Variants in MTHFD1L observed in about 807,000 individuals in gnomAD.
MTHFD1L encodes the protein methylenetetrahydrofolate dehydrogenase (NADP+ dependent) 1 like, also known as monofunctional C1-tetrahydrofolate synthase, mitochondrial.
In MTHFD1L, 81 loss-of-function variants were observed where a neutral mutation model predicts 119.5. The observed-to-expected ratio is 0.68, with a 90% CI of 0.57 to 0.82. The LOEUF is 0.82. Ranked by LOEUF, MTHFD1L falls within the 40% of genes least tolerant of loss-of-function variation. The pLI is 0.00. For missense variants in MTHFD1L, 1,125 were observed against 1,253.4 expected (o/e 0.90, Z 1.55); for synonymous variants, 430 against 475.2 (o/e 0.90, Z 1.24).
intron 20 of MTHFD1L, among the ~76,000 whole-genome samples, chr6:150,982,712 T>C (rs1280056646): frequency 6.6e-6 from 1 of 152,054 alleles, no homozygotes; most frequent in East Asian, 1.9e-4. Flanking sequence ...TTTTTTTTTT[T>C]TTCTTGAGAC....
intron 21 of MTHFD1L, among the ~76,000 whole-genome samples, chr6:151,012,018 A>AC (rs1171005011): frequency 1.1e-5 from 1 of 90,140 alleles, no homozygotes; most frequent in Admixed American, 1.1e-4. Flanking sequence ...AACAACAACA[A>AC]CAAAAAAAAA....
chr6:150,995,340 C>A (rs1304708704), intron 20 of MTHFD1L, among the ~76,000 whole-genome samples: 1 of 152,000 alleles, frequency 6.6e-6, no homozygotes, highest in Non-Finnish European at 1.5e-5. Context: ...CATGGAGAAA[C>A]ACTGTCTCTA....
chr6:150,907,493 G>A (rs1398724832), intron 8 of MTHFD1L, among the ~76,000 whole-genome samples: 1 of 152,182 alleles, frequency 6.6e-6, no homozygotes, highest in African/African-American at 2.4e-5. Context: ...TAGCCAGGAT[G>A]GGATGTGAAA....
intron 5 of MTHFD1L, 87 bp downstream of exon 5, chr6:150,882,973 T>C: frequency 2.4e-6 from 3 of 1,260,158 alleles, no homozygotes; most frequent in Non-Finnish European, 3.2e-6. Context: ...ATTTCTTCTA[T>C]TTATTTCAAC....
At chr6:151,047,902 T>C (rs1788347843) in intron 26 of MTHFD1L, among the ~76,000 whole-genome samples, 2 of 152,122 alleles carry the variant, frequency 1.3e-5, no homozygotes, top group Non-Finnish European at 2.9e-5. Context: ...ACGGGAAGCA[T>C]GGCTGGGGAG....
chr6:150,868,488 C>T (rs1324330365), intron 1 of MTHFD1L, among the ~76,000 whole-genome samples: 2 of 151,852 alleles, frequency 1.3e-5, no homozygotes, highest in African/African-American at 2.4e-5. Flanking sequence ...TACAGGCTCG[C>T]ACTACCACGC....
At chr6:151,034,694 T>C in intron 25 of MTHFD1L, 94 bp downstream of exon 25, 1 of 780,946 alleles carries the variant, frequency 1.3e-6, no homozygotes, top group Non-Finnish European at 2.2e-6. Context: ...TCGCACCAGC[T>C]AACCTTTGCT....
chr6:151,071,310 C>G lies in MTHFD1L; in HGVS notation c.2848-21157C>G, dbSNP rs577324401. On this transcript the variant is annotated intron_variant, in intron 26 of 27. Transcript: ENST00000367321. The stretch of plus-strand genomic sequence containing the variant: ...CCGGGAGATAAGGGGTGCTGCAGAA[C>G]TGTTTTCTGTGATACAGTGCATCTA... Among the ~76,000 whole-genome samples the G allele has an allele frequency of 7.9e-5, 12 of 152,220 alleles. No homozygotes were observed. The South Asian group carries it at 2.3e-3, about 29-fold the overall frequency.
chr6:150,985,220 T>C (rs1210809407), intron 20 of MTHFD1L: 1 of 152,228 alleles, frequency 6.6e-6, no homozygotes, highest in Non-Finnish European at 1.5e-5. Context: ...TGAGTATACT[T>C]TTTTCCATCT....
intron 27 of MTHFD1L, among the ~76,000 whole-genome samples, chr6:151,097,056 A>C (rs1794946286): frequency 6.6e-6 from 1 of 152,218 alleles, no homozygotes; most frequent in African/African-American, 2.4e-5. Context: ...GATTATTGGA[A>C]TGAAGGATTT....
intron 2 of MTHFD1L, among the ~76,000 whole-genome samples, chr6:150,876,655 C>T (rs894252102): frequency 2.0e-5 from 3 of 152,206 alleles, no homozygotes; most frequent in South Asian, 2.1e-4. Context: ...CCACATACTT[C>T]TTTTGGCTGC....
chr6:150,899,493 C>CT lies in MTHFD1L; in HGVS notation c.781-6156dup, dbSNP rs1432778586. 3.3e-5 allele frequency among the ~76,000 whole-genome samples: 5 copies of CT among 152,172 alleles called. No homozygotes were observed. In the East Asian group the frequency reaches 9.6e-4, roughly 29 times the overall value. ...TTATCTTGCCAAAGTACGACAACAT[C>CT]TGAATGAAGATGGTTTGATGTTCTT... On this transcript the variant is annotated intron_variant, in intron 7 of 27. Coordinates refer to ENST00000367321, the MANE Select transcript of MTHFD1L (RefSeq NM_015440.5).
At chr6:151,018,933 G>A (rs1783540885) in intron 24 of MTHFD1L, among the ~76,000 whole-genome samples, 1 of 152,252 alleles carries the variant, frequency 6.6e-6, no homozygotes, top group Non-Finnish European at 1.5e-5. Flanking sequence ...GAGATCAATT[G>A]AGGGAGAAGA....
intron 20 of MTHFD1L, among the ~76,000 whole-genome samples, chr6:150,994,816 T>C (rs777294987): frequency 6.6e-6 from 1 of 152,216 alleles, no homozygotes; most frequent in African/African-American, 2.4e-5. Context: ...CAGAACCGTC[T>C]TTAGAGCATG....
Position 151,094,751 on chromosome 6 carries a change from C to T in MTHFD1L, c.*31+2164C>T, listed in dbSNP as rs367761311. ...TAGAGACAGGGTTTCACCATGTTGG[C>T]CAGGCTGGTCTCGAACTCCTGACCT... On this transcript the variant is annotated intron_variant, in intron 27 of 27. Coordinates refer to ENST00000367321, the MANE Select transcript of MTHFD1L (RefSeq NM_015440.5). 1.1e-4 allele frequency among the ~76,000 whole-genome samples: 17 copies of T among 152,158 alleles called. No individual in the cohort carries two copies. In the South Asian group the frequency reaches 3.3e-3, roughly 30 times the overall value.
chr6:150,882,779 A>G lies in MTHFD1L; in HGVS notation c.435A>G (p.Leu145=). 1 of 1,520,654 alleles carries G rather than the reference A, an allele frequency of 6.6e-7. No individual in the cohort carries two copies. The highest frequency in any genetic ancestry group is 1.4e-5 in the African/African-American group (1 of 69,178). 94.2% of individuals were successfully genotyped at this position (1,520,654 alleles called of 1,614,324 possible). Residue 145 remains leucine (L), a synonymous_variant, in exon 5 of 28, where the codon TTA becomes TTG. Transcript: ENST00000367321. ...SSEAEIIDEI[L]KINEDTRVHG... is the part of the protein sequence containing the mutation. Reference sequence around the variant, plus strand: ...CTCTTTAGATTATAGATGAAATCTTAAAGATCAATGAAGATACCAGAGTAC... The same window carrying G: ...CTCTTTAGATTATAGATGAAATCTTGAAGATCAATGAAGATACCAGAGTAC...
chr6:150,892,458 G>A (rs1783465063), intron 7 of MTHFD1L, among the ~76,000 whole-genome samples: 1 of 152,288 alleles, frequency 6.6e-6, no homozygotes, highest in African/African-American at 2.4e-5. Flanking sequence ...GGACCAGAAG[G>A]TTCTCTTTCA....
chr6:151,043,534 T>C (rs1459085015), intron 26 of MTHFD1L, among the ~76,000 whole-genome samples: 1 of 152,168 alleles, frequency 6.6e-6, no homozygotes, highest in Non-Finnish European at 1.5e-5. Context: ...TCTCTCACAG[T>C]GTTTTTTAAA....
chr6:150,976,632 A>C (rs1157837939), intron 20 of MTHFD1L, among the ~76,000 whole-genome samples: 1 of 152,238 alleles, frequency 6.6e-6, no homozygotes, highest in Non-Finnish European at 1.5e-5. Flanking sequence ...TGAAAAGCTC[A>C]AACCATAGAG....
Sources: gnomAD v4.1 joint callset for allele counts (sites outside exome capture counted in the v4.1 genomes callset) on GRCh38, gnomAD v4.1.1 for gene constraint, MANE v1.5 for transcripts, NCBI Gene and HGNC (gene_info 2026-07-23, HGNC 2026-07-21) for gene names.